Variants in PGAP2 observed in about 807,000 individuals in gnomAD.
PGAP2 encodes acyltransferase PGAP2.
In PGAP2, 21 loss-of-function variants were observed where a neutral mutation model predicts 33.2. The observed-to-expected ratio is 0.63, with a 90% CI of 0.45 to 0.91. The LOEUF (loss-of-function observed/expected upper bound fraction) is 0.91, where lower values mean the gene tolerates loss of function less well. PGAP2 is among the 40% of genes least tolerant of loss of function. The probability of loss-of-function intolerance (pLI) is 0.00; values close to 1 mark genes in which losing one functional copy is unlikely to be tolerated. For synonymous variants in PGAP2, 161 were observed against 172.9 expected (o/e 0.93, Z 0.54); for missense variants, 345 against 424.0 (o/e 0.81, Z 1.64).
chr11:3,800,741 G>A (rs2083313645), intron 1 of PGAP2, among the ~76,000 whole-genome samples: 1 of 150,824 alleles, frequency 6.6e-6, no homozygotes, highest in Non-Finnish European at 1.5e-5. Flanking sequence ...GAACCTGGGA[G>A]GCGGAGGTTG....
upstream of PGAP2, chr11:3,808,447 TGAG>T: frequency 6.0e-6 from 9 of 1,509,644 alleles, no homozygotes; most frequent in South Asian, 4.9e-5. Context: ...CACGCCAGAT[TGAG>T]GAGGAGAGCC....
upstream of PGAP2, among the ~76,000 whole-genome samples, chr11:3,804,850 C>T (rs562501738): frequency 3.3e-5 from 5 of 151,900 alleles, no homozygotes; most frequent in Admixed American, 6.6e-5. Context: ...TACAGGCGCC[C>T]GCCACCAGGC....
chr11:3,811,301 G>A lies in PGAP2; in HGVS notation c.42G>A (p.Leu14=), dbSNP rs372719767. Residue 14 remains leucine (L), a synonymous_variant, in exon 2 of 7, where the codon CTG becomes CTA. Coordinates refer to ENST00000278243, the MANE Select transcript of PGAP2 (RefSeq NM_014489.4). This position sits in a 1 kb window ranked among gnomAD's most constrained non-coding sequence, Gnocchi z 4.6. ...TACCACTGGATCGGGATGGGACCCT[G>A]GTACGGCTCCGCTTCACCATGGTGG... is the stretch of plus-strand genomic sequence containing the variant. ...VPLPLDRDGT[L]VRLRFTMVAL... The A allele has an allele frequency of 6.2e-7, 1 of 1,614,070 alleles. No individual in the cohort carries two copies. Among genetic ancestry groups the A allele is most frequent in the African/African-American group, 1.3e-5 (1 of 75,036 alleles).
rs537301662 is a variant in PGAP2, at chr11:3,798,152, G to C, written c.139+170G>C. On this transcript the variant is annotated intron_variant, in intron 1 of 6. Transcript: ENST00000300730. ...AGGCTTCTTCAGGGCCCTAAATCCT[G>C]ACCCTATTCTCTCCTGACCCATGCT... The C allele has an allele frequency of 5.6e-6, 8 of 1,428,418 alleles. No individual in the cohort carries two copies. The South Asian group carries it at 1.2e-4, about 21-fold the overall frequency. 88.5% of individuals were successfully genotyped at this position (1,428,418 alleles called of 1,614,324 possible).
At chr11:3,816,745 T>A (rs1016939780) in intron 2 of PGAP2, among the ~76,000 whole-genome samples, 1 of 152,174 alleles carries the variant, frequency 6.6e-6, no homozygotes, top group Non-Finnish European at 1.5e-5. Context: ...TGTGGCCCCA[T>A]TGAAATAGGC....
At chr11:3,819,089 C>T (rs977865565) in intron 3 of PGAP2, among the ~76,000 whole-genome samples, 1 of 152,164 alleles carries the variant, frequency 6.6e-6, no homozygotes, top group Non-Finnish European at 1.5e-5. Flanking sequence ...CACTCTGTCT[C>T]CCAGGCGGGA....
intron 3 of PGAP2, among the ~76,000 whole-genome samples, chr11:3,818,537 G>A (rs1219375816): frequency 6.6e-6 from 1 of 152,120 alleles, no homozygotes; most frequent in African/African-American, 2.4e-5. Flanking sequence ...GACCTTGGAG[G>A]ATCCATCCTC....
chr11:3,822,915 A>G (rs1162132119), intron 3 of PGAP2: 1 of 1,520,518 alleles, frequency 6.6e-7, no homozygotes, highest in Non-Finnish European at 8.9e-7. Context: ...TAAGGACTGA[A>G]GCTTCAATAG....
At chr11:3,823,012 CT>C in intron 3 of PGAP2, 2 of 456,212 alleles carry the variant, frequency 4.4e-6, no homozygotes, top group African/African-American at 2.8e-5. Flanking sequence ...CACCCACTTT[CT>C]TTTTTCTTTT....
upstream of PGAP2, among the ~76,000 whole-genome samples, chr11:3,804,951 A>C (rs111889961): frequency 0.027 from 4,179 of 152,270 alleles, 200 homozygotes; most frequent in African/African-American, 0.094. Flanking sequence ...ATCTGCTCAC[A>C]TCAGCCTTCC....
chr11:3,809,714 G>C (rs2085150205), intron 1 of PGAP2, among the ~76,000 whole-genome samples: 1 of 152,212 alleles, frequency 6.6e-6, no homozygotes, highest in Non-Finnish European at 1.5e-5. Context: ...ATGATCCAGG[G>C]AATGTGTTTT....
At chr11:3,801,151 G>C (rs1456847842) in intron 1 of PGAP2, among the ~76,000 whole-genome samples, 1 of 150,942 alleles carries the variant, frequency 6.6e-6, no homozygotes, top group African/African-American at 2.4e-5. Context: ...AAAAAGAAAA[G>C]AAAGGAAAGA....
chr11:3,806,858 C>T (rs2084435255), upstream of PGAP2, among the ~76,000 whole-genome samples: 1 of 152,010 alleles, frequency 6.6e-6, no homozygotes, highest in Non-Finnish European at 1.5e-5. Context: ...CCCATCTCTA[C>T]TAAAAGTACA....
Position 3,825,036 on chromosome 11 carries a change from G to A in PGAP2, c.725G>A (p.Ser242Asn). The A allele has an allele frequency of 6.2e-7, 1 of 1,614,204 alleles. No individual in the cohort carries two copies. ...ATTCCCTAGGATCGCAAGTCCTACA[G>A]CTGGAAACAGCGGCTCTTCATCATC... ...TVSQEDRKSY[S>N]WKQRLFIINF... is the part of the protein sequence containing the mutation. The change falls in exon 6 of 7, where the codon AGC (serine) becomes AAC (asparagine). Residue 242 changes from serine (S) to asparagine (N), a missense_variant. Ser to Asn is a conservative substitution (Grantham distance 46, BLOSUM62 1). This residue lies in a region of PGAP2 where 311 missense variants were observed against 353.6 expected (regional missense o/e 0.88). Transcript: ENST00000278243.
chr11:3,812,016 T>C (rs1017507994), intron 2 of PGAP2, among the ~76,000 whole-genome samples: 1 of 152,054 alleles, frequency 6.6e-6, no homozygotes, highest in Non-Finnish European at 1.5e-5. Flanking sequence ...CCTGTCTGTA[T>C]GGAGATCTGA....
At chr11:3,802,147 A>G (rs1037241414) in intron 1 of PGAP2, among the ~76,000 whole-genome samples, 1 of 147,676 alleles carries the variant, frequency 6.8e-6, no homozygotes, top group Non-Finnish European at 1.5e-5. Context: ...GAGTACATTC[A>G]GTCCAAAGTA....
intron 1 of PGAP2, among the ~76,000 whole-genome samples, chr11:3,809,702 G>A (rs1319387860): frequency 2.0e-5 from 3 of 152,196 alleles, no homozygotes; most frequent in East Asian, 3.8e-4. Flanking sequence ...GTCCATTTAG[G>A]GATGATCCAG....
intron 1 of PGAP2, chr11:3,798,230 A>C: frequency 1.0e-6 from 1 of 965,564 alleles, no homozygotes; most frequent in South Asian, 2.1e-5. Context: ...CATTAGGAGC[A>C]TTAGAGATGC....
chr11:3,798,380 A>C (rs1199809967), intron 1 of PGAP2, among the ~76,000 whole-genome samples: 1 of 151,870 alleles, frequency 6.6e-6, no homozygotes, highest in Non-Finnish European at 1.5e-5. Context: ...CCTAGGGTGG[A>C]GTGCATTGGC....
Sources: gnomAD v4.1 joint callset for allele counts (sites outside exome capture counted in the v4.1 genomes callset) on GRCh38, gnomAD v4.1.1 for gene constraint, gnomAD v4.1.1 regional missense constraint, Gnocchi (gnomAD v3.1) non-coding constraint, MANE v1.5 for transcripts, NCBI Gene and HGNC (gene_info 2026-07-23, HGNC 2026-07-21) for gene names.